The following GALK2 variants were observed in gnomAD, a reference collection of about 807,000 sequenced individuals.
GALK2 encodes N-acetylgalactosamine kinase.
Under a neutral mutation model 52.4 loss-of-function variants are expected in GALK2, and 36 were observed. That is an observed-to-expected ratio of 0.69 (90% CI 0.53 to 0.91). The LOEUF is 0.91. Ranked by LOEUF, GALK2 falls within the 40% of genes least tolerant of loss-of-function variation. GALK2 has a pLI of 0.00. For missense variants in GALK2, 579 were observed against 559.1 expected (o/e 1.04, Z -0.36); for synonymous variants, 176 against 199.1 (o/e 0.88, Z 0.98).
intron 7 of GALK2, among the ~76,000 whole-genome samples, chr15:49,287,642 C>G (rs2033507482): frequency 6.6e-6 from 1 of 152,176 alleles, no homozygotes; most frequent in Admixed American, 6.6e-5. Flanking sequence ...TTATCTCAAT[C>G]TGACCAAACT....
In GALK2 at chr15:49,203,982, G is replaced by A. The variant is rs560197060; in HGVS notation, c.142+2732G>A. On this transcript the variant is annotated intron_variant, in intron 2 of 9. Coordinates refer to ENST00000560031, the MANE Select transcript of GALK2 (RefSeq NM_002044.4). ...ATACAAAAATTAGCTGGGTGTGGTGGCACACACCTGTAATCCCAGCTACGC... is the reference window on the plus strand; with the variant it reads ...ATACAAAAATTAGCTGGGTGTGGTGACACACACCTGTAATCCCAGCTACGC... Among the ~76,000 whole-genome samples the A allele has an allele frequency of 4.8e-4, 73 of 151,992 alleles. 1 individual carries two copies. The highest frequency in any genetic ancestry group is 1.6e-3 in the African/African-American group (67 of 41,454).
At position 49,171,777 on chromosome 15, in the gene GALK2, A is replaced by AT. The variant is rs775994942; in HGVS notation, c.53+1414dup. ...ACTTGATCTCTTGTAGTTTAGTCTT[A>AT]TTTTTTTTTTTTGAGACAGAGTCTT... On this transcript the variant is annotated intron_variant, in intron 1 of 9. Coordinates refer to ENST00000560031, the MANE Select transcript of GALK2 (RefSeq NM_002044.4). 3.3e-3 allele frequency among the ~76,000 whole-genome samples: 303 copies of AT among 91,620 alleles called. 3 individuals carry two copies. Among genetic ancestry groups the AT allele is most frequent in the South Asian group, 0.019 (58 of 3,060 alleles). 60.1% of individuals were successfully genotyped at this position (91,620 alleles called of 152,430 possible).
At chr15:49,279,287 GA>G (rs2032352026) in intron 5 of GALK2, among the ~76,000 whole-genome samples, 2 of 152,234 alleles carry the variant, frequency 1.3e-5, no homozygotes, top group African/African-American at 2.4e-5. Context: ...TGAATACATG[GA>G]AAAAATAATT....
intron 3 of GALK2, among the ~76,000 whole-genome samples, chr15:49,219,578 G>A (rs531466893): frequency 1.3e-5 from 2 of 152,162 alleles, no homozygotes; most frequent in Non-Finnish European, 2.9e-5. Flanking sequence ...GGAGGCTGAG[G>A]TGGATGGATC....
At chr15:49,210,957 T>TCA (rs764698505) in intron 2 of GALK2, among the ~76,000 whole-genome samples, 2,517 of 112,760 alleles carry the variant, frequency 0.022, 42 homozygotes, top group South Asian at 0.047. Context: ...ATGTTGGCTG[T>TCA]CACACACACA....
intron 1 of GALK2, among the ~76,000 whole-genome samples, chr15:49,186,611 C>T (rs1335562465): frequency 6.7e-6 from 1 of 148,896 alleles, no homozygotes; most frequent in African/African-American, 2.5e-5. Context: ...GCAATCTCAG[C>T]TCACTGCAAC....
chr15:49,294,928 C>T (rs888413668), intron 8 of GALK2, among the ~76,000 whole-genome samples: 12 of 152,068 alleles, frequency 7.9e-5, no homozygotes, highest in Non-Finnish European at 1.6e-4. Context: ...CACAAGGAGT[C>T]GAGTACTGGA....
At position 49,331,790 on chromosome 15, in the gene GALK2, A is replaced by G. The variant is rs1336268901; in HGVS notation, c.*3631A>G. The stretch of plus-strand genomic sequence containing the variant: ...AGAAAGAAAACCTACCAGTTTATGT[A>G]GGAACTTCTCAAAGTCCTGTTTCAC... On this transcript the variant is annotated 3_prime_UTR_variant, in exon 10 of 10. Transcript: ENST00000560031. The G allele has an allele frequency of 1.2e-6, 2 of 1,600,612 alleles. No individual in the cohort carries two copies. The highest frequency in any genetic ancestry group is 1.7e-6 in the Non-Finnish European group (2 of 1,167,772).
intron 1 of GALK2, among the ~76,000 whole-genome samples, chr15:49,158,077 C>T (rs1019330828): frequency 1.3e-5 from 2 of 151,896 alleles, no homozygotes; most frequent in African/African-American, 4.8e-5. Flanking sequence ...CCTAACCAGG[C>T]CCAGAACTTA....
chr15:49,303,924 G>T (rs1239667833), intron 8 of GALK2, among the ~76,000 whole-genome samples: 1 of 152,206 alleles, frequency 6.6e-6, no homozygotes, highest in Non-Finnish European at 1.5e-5. Flanking sequence ...ATGTTACTCA[G>T]TATTCCCTTT....
chr15:49,349,125 A>G (rs985445233), intron 3 of GALK2, among the ~76,000 whole-genome samples: 2 of 152,180 alleles, frequency 1.3e-5, no homozygotes, highest in African/African-American at 4.8e-5. Flanking sequence ...TGTATCTTGT[A>G]TATTTTATTA....
At chr15:49,270,918 T>G (rs1445776047) in intron 5 of GALK2, among the ~76,000 whole-genome samples, 2 of 152,158 alleles carry the variant, frequency 1.3e-5, no homozygotes, top group Non-Finnish European at 2.9e-5. Flanking sequence ...GGTTTACCAC[T>G]AGAAATCCTG....
At chr15:49,215,944 A>G (rs1029533456) in intron 2 of GALK2, among the ~76,000 whole-genome samples, 5 of 152,218 alleles carry the variant, frequency 3.3e-5, no homozygotes, top group African/African-American at 1.2e-4. Context: ...CCGTATGGGC[A>G]TATCGGCACA....
intron 1 of GALK2, among the ~76,000 whole-genome samples, chr15:49,190,259 G>T (rs906198140): frequency 7.2e-5 from 11 of 152,130 alleles, no homozygotes; most frequent in Admixed American, 5.9e-4. Flanking sequence ...AACTCTATAG[G>T]TCATATAAAA....
At chr15:49,344,201 A>T (rs2041136748) in intron 3 of GALK2, 2 of 152,214 alleles carry the variant, frequency 1.3e-5, no homozygotes, top group African/African-American at 4.8e-5. Flanking sequence ...ATGTAATCAA[A>T]AGAAAGAAAA....
intron 2 of GALK2, among the ~76,000 whole-genome samples, chr15:49,206,741 A>G (rs1189275993): frequency 6.6e-6 from 1 of 152,132 alleles, no homozygotes; most frequent in African/African-American, 2.4e-5. Flanking sequence ...TTTCTGAAGG[A>G]GTCCATAGGG....
At chr15:49,242,627 A>C (rs2091154652) in intron 5 of GALK2, among the ~76,000 whole-genome samples, 1 of 152,226 alleles carries the variant, frequency 6.6e-6, no homozygotes, top group Admixed American at 6.5e-5. Context: ...GGGATATAAT[A>C]AGTAGATGTG....
intron 5 of GALK2, among the ~76,000 whole-genome samples, chr15:49,264,522 C>T (rs1267339851): frequency 6.6e-6 from 1 of 152,208 alleles, no homozygotes; most frequent in Non-Finnish European, 1.5e-5. Flanking sequence ...TGAATGTCCT[C>T]CCAACGTAGC....
Position 49,259,662 on chromosome 15 carries a change from C to T in GALK2, c.504+20295C>T, listed in dbSNP as rs867940264. 1.7e-3 allele frequency among the ~76,000 whole-genome samples: 260 copies of T among 149,990 alleles called. 2 individuals are homozygous for T. Among genetic ancestry groups the T allele is most frequent in the African/African-American group, 5.9e-3 (241 of 40,736 alleles). On this transcript the variant is annotated intron_variant, in intron 5 of 9. Coordinates refer to ENST00000560031, the MANE Select transcript of GALK2 (RefSeq NM_002044.4). ...GTTACATATGTATACATGTGCCATGCTGGTGCGCTGCACCCACTAACTTGT... is the reference window on the plus strand; with the variant it reads ...GTTACATATGTATACATGTGCCATGTTGGTGCGCTGCACCCACTAACTTGT...
Sources: allele counts gnomAD v4.1 joint callset (sites outside exome capture counted in the v4.1 genomes callset), GRCh38; gene constraint gnomAD v4.1.1; transcripts MANE v1.5; gene names NCBI Gene and HGNC (gene_info 2026-07-23, HGNC 2026-07-21).